Variants in SORCS3 observed in about 807,000 individuals in gnomAD.
SORCS3 encodes the protein sortilin related VPS10 domain containing receptor 3, also known as VPS10 domain-containing receptor SorCS3.
A neutral mutation model predicts 146.3 loss-of-function variants in SORCS3; 57 were observed. The ratio of observed to expected loss-of-function variants is 0.39; its 90% CI spans 0.31 to 0.49. SORCS3 has a LOEUF of 0.49. Among genes scored for constraint, SORCS3 ranks in the 20% least tolerant of loss-of-function variants. The pLI, the probability that SORCS3 is intolerant of heterozygous loss-of-function variation, is 0.92. For missense variants in SORCS3, 1,341 were observed against 1,575.5 expected (o/e 0.85, Z 2.52); for synonymous variants, 653 against 618.5 (o/e 1.06, Z -0.83).
At chr10:105,244,761 T>G (rs1402038904) in intron 20 of SORCS3, among the ~76,000 whole-genome samples, 1 of 152,130 alleles carries the variant, frequency 6.6e-6, no homozygotes, top group Non-Finnish European at 1.5e-5. Flanking sequence ...TTACATATAT[T>G]TTCTGCTCTA....
chr10:105,250,133 G>C (rs991512707), intron 22 of SORCS3, among the ~76,000 whole-genome samples: 1 of 152,220 alleles, frequency 6.6e-6, no homozygotes, highest in Non-Finnish European at 1.5e-5. Context: ...TCACATGGTG[G>C]AAAGGGCAAG....
intron 1 of SORCS3, among the ~76,000 whole-genome samples, chr10:104,696,161 CAT>C (rs1378669758): frequency 2.7e-5 from 3 of 112,508 alleles, no homozygotes; most frequent in African/African-American, 6.9e-5. Flanking sequence ...TATATATACA[CAT>C]ATAATATATA....
chr10:104,914,230 ATTC>A (rs2019000034), intron 2 of SORCS3, among the ~76,000 whole-genome samples: 1 of 152,166 alleles, frequency 6.6e-6, no homozygotes, highest in Non-Finnish European at 1.5e-5. Context: ...ATGTTCTTTA[ATTC>A]TTTGAGGAGC....
chr10:104,909,336 G>A (rs149770721), intron 2 of SORCS3, among the ~76,000 whole-genome samples: 9 of 152,272 alleles, frequency 5.9e-5, no homozygotes, highest in Non-Finnish European at 1.3e-4. Flanking sequence ...GTCAGATGCC[G>A]TGGTTGATAA....
At chr10:105,112,940 A>ATAAC (rs2055868078) in intron 7 of SORCS3, among the ~76,000 whole-genome samples, 1 of 152,222 alleles carries the variant, frequency 6.6e-6, no homozygotes, top group Non-Finnish European at 1.5e-5. Flanking sequence ...ACAGAGACAT[A>ATAAC]TAACTGAGAA....
chr10:104,670,983 C>T lies in SORCS3; in HGVS notation c.627+29029C>T, dbSNP rs76838064. Among the ~76,000 whole-genome samples the T allele has an allele frequency of 9.0e-3, 1,362 of 152,090 alleles. 22 individuals are homozygous for T. Among genetic ancestry groups the T allele is most frequent in the African/African-American group, 0.027 (1,124 of 41,510 alleles). On this transcript the variant is annotated intron_variant, in intron 1 of 26. Transcript: ENST00000369701. ...TTCCAATTGTTCCTTGTTAATGTAA[C>T]GATATGCAATTGATTATTGTCTGTA... is the stretch of plus-strand genomic sequence containing the variant.
chr10:104,695,038 C>T (rs1589460574), intron 1 of SORCS3, among the ~76,000 whole-genome samples: 1 of 152,178 alleles, frequency 6.6e-6, no homozygotes, highest in Middle Eastern at 3.4e-3. Context: ...AAATAGGAAT[C>T]CTTTGGAGCT....
Position 104,816,309 on chromosome 10 carries a change from T to C in SORCS3, c.628-26483T>C, listed in dbSNP as rs1005403688. 7.2e-5 allele frequency among the ~76,000 whole-genome samples: 11 copies of C among 152,228 alleles called. 1 individual carries two copies. Among genetic ancestry groups the C allele is most frequent in the Non-Finnish European group, 2.9e-5 (2 of 68,038 alleles). On this transcript the variant is annotated intron_variant, in intron 1 of 26. Coordinates refer to ENST00000369701, the MANE Select transcript of SORCS3 (RefSeq NM_014978.3). The stretch of plus-strand genomic sequence containing the variant: ...GCATTTCAGAAATGAGTTAATTTGC[T>C]TTTCTTTAATCTGCTGAAAGCAAGA...
intron 1 of SORCS3, among the ~76,000 whole-genome samples, chr10:104,749,226 G>GGTGTGTGTGTGTGT (rs60550253): frequency 7.1e-6 from 1 of 140,900 alleles, no homozygotes; most frequent in Non-Finnish European, 1.6e-5. Flanking sequence ...CAAAGTATAG[G>GGTGTGTGTGTGTGT]GTGTGTGTGT....
chr10:105,123,831 G>C (rs544429049), intron 7 of SORCS3, among the ~76,000 whole-genome samples: 1 of 152,170 alleles, frequency 6.6e-6, no homozygotes, highest in East Asian at 1.9e-4. Flanking sequence ...GAAAGCAAGG[G>C]GCCTCATTTT....
intron 3 of SORCS3, among the ~76,000 whole-genome samples, chr10:104,930,051 A>G (rs1028748317): frequency 7.4e-6 from 1 of 135,168 alleles, no homozygotes; most frequent in Non-Finnish European, 1.5e-5. Context: ...AAATGTCCAG[A>G]AAATGGCAGA....
intron 1 of SORCS3, among the ~76,000 whole-genome samples, chr10:104,809,976 G>T (rs1408467558): frequency 1.3e-5 from 2 of 152,202 alleles, no homozygotes; most frequent in Non-Finnish European, 2.9e-5. Context: ...GATAGGGGCT[G>T]CTTCCTGGAG....
In SORCS3 at chr10:104,796,671, C is replaced by A. The variant is rs2017560470; in HGVS notation, c.628-46121C>A. Among the ~76,000 whole-genome samples the A allele has an allele frequency of 3.3e-5, 5 of 152,138 alleles. No individual in the cohort carries two copies. The South Asian group carries it at 1.0e-3, about 32-fold the overall frequency. ...GAATAGCCAATTTAAATAAGTACATCAAATTTAGTATACATGTTACATAAA... is the reference window on the plus strand; with the variant it reads ...GAATAGCCAATTTAAATAAGTACATAAAATTTAGTATACATGTTACATAAA... On this transcript the variant is annotated intron_variant, in intron 1 of 26. Transcript: ENST00000369701.
In SORCS3 at chr10:105,167,368, C is replaced by CA; in HGVS notation, c.1901+19_1901+20insA. 1 of 1,591,298 alleles carries CA rather than the reference C, an allele frequency of 6.3e-7. No individual in the cohort carries two copies. The highest frequency in any genetic ancestry group is 8.6e-7 in the Non-Finnish European group (1 of 1,161,010). The stretch of plus-strand genomic sequence containing the variant: ...ATTTGTGGTAAGGAGAGCTCCCTAC[C>CA]CTATTAATGAGCTAATGAGCAGCTT... On this transcript the variant is annotated intron_variant, in intron 13 of 26. Coordinates refer to ENST00000369701, the MANE Select transcript of SORCS3 (RefSeq NM_014978.3).
chr10:104,930,183 T>TA (rs1483627421), intron 3 of SORCS3, among the ~76,000 whole-genome samples: 7 of 151,650 alleles, frequency 4.6e-5, no homozygotes, highest in African/African-American at 1.5e-4. Flanking sequence ...TGCATTGTTC[T>TA]AATAAAAAAA....
chr10:105,038,194 G>A (rs959436258), intron 4 of SORCS3, among the ~76,000 whole-genome samples: 2 of 152,204 alleles, frequency 1.3e-5, no homozygotes, highest in African/African-American at 4.8e-5. Flanking sequence ...CATGTGGCAG[G>A]ATATGGAAGA....
intron 1 of SORCS3, among the ~76,000 whole-genome samples, chr10:104,818,119 A>G (rs1339027719): frequency 6.6e-6 from 1 of 152,134 alleles, no homozygotes; most frequent in Non-Finnish European, 1.5e-5. Flanking sequence ...TAGTCAGGAC[A>G]CTGCTGTGTG....
At chr10:104,798,373 G>C (rs1266054035) in intron 1 of SORCS3, among the ~76,000 whole-genome samples, 1 of 152,176 alleles carries the variant, frequency 6.6e-6, no homozygotes, top group Non-Finnish European at 1.5e-5. Context: ...AAGCTGGTGT[G>C]AAGGGTGGGT....
chr10:104,802,228 G>T (rs1169562867), intron 1 of SORCS3, among the ~76,000 whole-genome samples: 5 of 152,156 alleles, frequency 3.3e-5, no homozygotes, highest in Non-Finnish European at 7.3e-5. Context: ...ACTGTCAGGT[G>T]ATAGGAAGGG....
Sources: allele counts gnomAD v4.1 joint callset (sites outside exome capture counted in the v4.1 genomes callset), GRCh38; gene constraint gnomAD v4.1.1; transcripts MANE v1.5; gene names NCBI Gene and HGNC (gene_info 2026-07-23, HGNC 2026-07-21).